UBXN2A: variants seen among roughly 807,000 people sequenced by gnomAD.
UBXN2A encodes the protein UBX domain protein 2A.
In UBXN2A, 28 loss-of-function variants were observed where a neutral mutation model predicts 28.4. The observed-to-expected ratio is 0.99, with a 90% CI of 0.73 to 1.35. The LOEUF (loss-of-function observed/expected upper bound fraction) is 1.35. Among genes scored for constraint, UBXN2A ranks in the 40% most tolerant of loss-of-function variants. The pLI is 0.00. For synonymous variants in UBXN2A, 97 were observed against 103.6 expected (o/e 0.94, Z 0.39); for missense variants, 253 against 297.9 (o/e 0.85, Z 1.11).
At chr2:23,963,584 A>C (rs1221992237) in intron 2 of UBXN2A, among the ~76,000 whole-genome samples, 3 of 152,158 alleles carry the variant, frequency 2.0e-5, no homozygotes, top group South Asian at 2.1e-4. Context: ...GGAAATGCAA[A>C]TCAAAATAAG....
At chr2:23,955,137 T>C (rs1706558030) in intron 1 of UBXN2A, among the ~76,000 whole-genome samples, 1 of 152,106 alleles carries the variant, frequency 6.6e-6, no homozygotes, top group Non-Finnish European at 1.5e-5. Flanking sequence ...TTCACCTTGC[T>C]GTCCAGAATG....
In UBXN2A at chr2:24,001,310, A is replaced by G. The variant is rs1450647307; in HGVS notation, c.*1443A>G. ...CAGCTGGTTTTCTGTTTCATACATCAGAGTCAACTTGTGAATACATTTAAA... is the reference window on the plus strand; with the variant it reads ...CAGCTGGTTTTCTGTTTCATACATCGGAGTCAACTTGTGAATACATTTAAA... On this transcript the variant is annotated 3_prime_UTR_variant, in exon 7 of 7. Coordinates refer to ENST00000309033, the MANE Select transcript of UBXN2A (RefSeq NM_181713.4). 1 of 152,158 alleles carries G rather than the reference A, an allele frequency of 6.6e-6. No homozygotes were observed. The highest frequency in any genetic ancestry group is 1.9e-4 in the East Asian group (1 of 5,200). The allele number at this position is 152,158 out of a possible 1,614,324, so 9.4% of individuals were successfully genotyped here. A position where few individuals can be genotyped will look rare whatever the true frequency, so the allele number is the denominator to read the frequency against.
At chr2:23,965,082 T>C (rs1707107520) in intron 2 of UBXN2A, among the ~76,000 whole-genome samples, 1 of 152,206 alleles carries the variant, frequency 6.6e-6, no homozygotes, top group Non-Finnish European at 1.5e-5. Context: ...GGTCTCCCTA[T>C]GTTGCCCAGG....
In UBXN2A at chr2:24,000,531, A is replaced by AC. The variant is rs955282104; in HGVS notation, c.*669dup. On this transcript the variant is annotated 3_prime_UTR_variant, in exon 7 of 7. Coordinates refer to ENST00000309033, the MANE Select transcript of UBXN2A (RefSeq NM_181713.4). ...TACTCCAGCTTGGCGACAGAGCAAGACCCCCTCTCAAAAATAAATAAAATA... is the reference window on the plus strand; with the variant it reads ...TACTCCAGCTTGGCGACAGAGCAAGACCCCCCTCTCAAAAATAAATAAAATA... The AC allele has an allele frequency of 6.6e-6, 1 of 152,012 alleles. No individual in the cohort carries two copies. The highest frequency in any genetic ancestry group is 2.4e-5 in the African/African-American group (1 of 41,388). The allele number at this position is 152,012 out of a possible 1,614,324, so 9.4% of individuals were successfully genotyped here.
chr2:23,961,898 G>A lies in UBXN2A; in HGVS notation c.41+3543G>A, dbSNP rs1313132567. ...CTTGCTCTGTCACCCAGGCTGGAGTGCAGTGGCGTGATCTCAGCTCACTGC... is the reference window on the plus strand; with the variant it reads ...CTTGCTCTGTCACCCAGGCTGGAGTACAGTGGCGTGATCTCAGCTCACTGC... On this transcript the variant is annotated intron_variant, in intron 2 of 6. Coordinates refer to ENST00000309033, the MANE Select transcript of UBXN2A (RefSeq NM_181713.4). 1.1e-4 allele frequency among the ~76,000 whole-genome samples: 16 copies of A among 150,634 alleles called. No homozygotes were observed. In the East Asian group the frequency reaches 1.8e-3, roughly 16 times the overall value.
At chr2:23,936,900 G>A (rs1038237279), upstream of UBXN2A, among the ~76,000 whole-genome samples, 3 of 151,816 alleles carry the variant, frequency 2.0e-5, no homozygotes, top group East Asian at 1.9e-4. Flanking sequence ...TAGTACAGAC[G>A]GGGTTTCACC....
chr2:23,962,605 C>CTTTTTT (rs1160440950), intron 2 of UBXN2A, among the ~76,000 whole-genome samples: 2 of 130,680 alleles, frequency 1.5e-5, no homozygotes, highest in Non-Finnish European at 3.3e-5. Flanking sequence ...TTTTTTTATT[C>CTTTTTT]TTTTTTTTTT....
At chr2:23,938,743 A>G (rs575088535), upstream of UBXN2A, among the ~76,000 whole-genome samples, 8 of 152,304 alleles carry the variant, frequency 5.3e-5, no homozygotes, top group South Asian at 1.7e-3. Context: ...TGGTACTAGC[A>G]TAAAGATAAG....
At chr2:23,997,760 A>G (rs1708596066) in intron 6 of UBXN2A, among the ~76,000 whole-genome samples, 1 of 146,256 alleles carries the variant, frequency 6.8e-6, no homozygotes, top group Admixed American at 6.9e-5. Flanking sequence ...AAGCCTTTAT[A>G]TATTGCATTT....
intron 6 of UBXN2A, among the ~76,000 whole-genome samples, chr2:23,995,225 T>C (rs181060300): frequency 9.2e-5 from 14 of 152,082 alleles, no homozygotes; most frequent in South Asian, 2.1e-4. Context: ...CTTTTTTTTT[T>C]CCCTCTAATT....
chr2:23,937,114 C>T (rs1705553773), upstream of UBXN2A, among the ~76,000 whole-genome samples: 1 of 152,174 alleles, frequency 6.6e-6, no homozygotes, highest in Non-Finnish European at 1.5e-5. Flanking sequence ...CCTGCCTCAG[C>T]CTCCGAAAGT....
chr2:23,995,126 T>G (rs1268165613), intron 6 of UBXN2A, among the ~76,000 whole-genome samples: 1 of 152,230 alleles, frequency 6.6e-6, no homozygotes, highest in South Asian at 2.1e-4. Context: ...GTTACGGTTT[T>G]CTGGTCACGT....
intron 4 of UBXN2A, 86 bp from the exon 5 acceptor site, chr2:23,982,810 A>G (rs982311399): frequency 7.3e-6 from 10 of 1,363,802 alleles, no homozygotes; most frequent in Non-Finnish European, 9.9e-6. Context: ...ATATTTCTAC[A>G]TATTCATTTT....
rs1344357162 is a variant in UBXN2A, at chr2:23,940,489, G to A, written c.-174G>A. 1 of 151,290 alleles carries A rather than the reference G, an allele frequency of 6.6e-6. No individual in the cohort carries two copies. The highest frequency in any genetic ancestry group is 2.4e-5 in the African/African-American group (1 of 41,354). The allele number at this position is 151,290 out of a possible 1,614,324, so 9.4% of individuals were successfully genotyped here. On this transcript the variant is annotated 5_prime_UTR_variant, in exon 1 of 7. Transcript: ENST00000309033. Reference sequence around the variant, plus strand: ...CTTGGGCGCCTGGCGAAGACCGAGAGAGGCTGGCGGGATCTCAGCGGCGCG... The same window carrying A: ...CTTGGGCGCCTGGCGAAGACCGAGAAAGGCTGGCGGGATCTCAGCGGCGCG...
exon 1 of UBXN2A, chr2:23,927,334 A>T (rs755757730): frequency 6.6e-6 from 1 of 152,512 alleles, no homozygotes; most frequent in South Asian, 2.1e-4. Flanking sequence ...CAGACTAATC[A>T]GGACGAGTTC....
upstream of UBXN2A, chr2:23,940,388 G>A (rs1433455307): frequency 2.7e-5 from 4 of 150,216 alleles, no homozygotes; most frequent in African/African-American, 7.3e-5. Flanking sequence ...GCCCGGCCGC[G>A]GCAAGCCCCG....
chr2:23,935,719 C>T (rs751690677), upstream of UBXN2A, among the ~76,000 whole-genome samples: 17 of 152,266 alleles, frequency 1.1e-4, no homozygotes, highest in Non-Finnish European at 1.6e-4. Context: ...AAGTTAAACA[C>T]AGAAATACCC....
intron 2 of UBXN2A, among the ~76,000 whole-genome samples, chr2:23,961,288 G>T (rs1277792139): frequency 2.0e-5 from 3 of 151,232 alleles, no homozygotes; most frequent in Non-Finnish European, 4.4e-5. Context: ...TAGAGATGGG[G>T]TTTCACCATG....
intron 1 of UBXN2A, among the ~76,000 whole-genome samples, chr2:23,931,689 A>G (rs148146792): frequency 6.6e-6 from 1 of 152,272 alleles, no homozygotes; most frequent in Admixed American, 6.5e-5. Context: ...CATTTGCTCA[A>G]CCCCAGTGAA....
Sources: allele counts gnomAD v4.1 joint callset (sites outside exome capture counted in the v4.1 genomes callset), GRCh38; gene constraint gnomAD v4.1.1; transcripts MANE v1.5; gene names NCBI Gene and HGNC (gene_info 2026-07-23, HGNC 2026-07-21).